Variants in SPOCK3 observed in about 807,000 individuals in gnomAD.
The protein encoded by SPOCK3 is testican-3.
SPOCK3 carries 30 observed loss-of-function variants against 56.6 expected under a neutral mutation model. The observed-to-expected ratio is 0.53, with a 90% CI of 0.40 to 0.72. The LOEUF (loss-of-function observed/expected upper bound fraction) is 0.72, where lower values mean the gene tolerates loss of function less well. Among genes scored for constraint, SPOCK3 ranks in the 30% least tolerant of loss-of-function variants. SPOCK3 has a pLI of 0.00. For synonymous variants in SPOCK3, 196 were observed against 183.3 expected, an observed-to-expected ratio of 1.07 and a Z score of -0.56; for missense variants, 527 against 530.0, an observed-to-expected ratio of 0.99 and a Z score of 0.06.
intron 4 of SPOCK3, among the ~76,000 whole-genome samples, chr4:166,949,094 C>G (rs1332007804): frequency 1.3e-5 from 2 of 152,126 alleles, no homozygotes; most frequent in African/African-American, 2.4e-5. Context: ...TCATTCATTT[C>G]ATCTTCCATC....
At chr4:166,764,523 T>C (rs369876609) in intron 7 of SPOCK3, among the ~76,000 whole-genome samples, 165 of 152,258 alleles carry the variant, frequency 1.1e-3, no homozygotes, top group South Asian at 2.9e-3. Context: ...CATGAACTCA[T>C]CCTTTTTTAT....
intron 7 of SPOCK3, among the ~76,000 whole-genome samples, chr4:166,774,625 C>A (rs1187774388): frequency 6.6e-6 from 1 of 152,174 alleles, no homozygotes; most frequent in African/African-American, 2.4e-5. Flanking sequence ...AAAGCAGCAG[C>A]AACTTTCCTT....
intron 4 of SPOCK3, among the ~76,000 whole-genome samples, chr4:166,971,277 C>T (rs573949040): frequency 6.6e-6 from 1 of 152,208 alleles, no homozygotes; most frequent in African/African-American, 2.4e-5. Context: ...TTTTTCCCCC[C>T]ATGTTCCAAT....
chr4:167,148,618 C>G (rs568644943), intron 2 of SPOCK3, among the ~76,000 whole-genome samples: 1 of 152,200 alleles, frequency 6.6e-6, no homozygotes, highest in South Asian at 2.1e-4. Context: ...TCTCTCTAAG[C>G]TTCCTATAAA....
chr4:167,136,430 A>G (rs1471852237), intron 2 of SPOCK3, among the ~76,000 whole-genome samples: 6 of 152,182 alleles, frequency 3.9e-5, no homozygotes, highest in African/African-American at 2.4e-5. Flanking sequence ...CAACATAAAT[A>G]TGACAATAAA....
intron 2 of SPOCK3, among the ~76,000 whole-genome samples, chr4:167,153,265 C>T (rs1191161274): frequency 6.6e-6 from 1 of 152,020 alleles, no homozygotes; most frequent in Non-Finnish European, 1.5e-5. Flanking sequence ...ATGCACTTAG[C>T]GATCACTCTC....
intron 3 of SPOCK3, among the ~76,000 whole-genome samples, chr4:167,030,192 GAA>G (rs34474565): frequency 0.021 from 3,247 of 152,002 alleles, 55 homozygotes; most frequent in Non-Finnish European, 0.037. Context: ...CTGAGAGAGA[GAA>G]AAGAGGCAGA....
At chr4:166,923,991 T>C (rs1314813225) in intron 4 of SPOCK3, among the ~76,000 whole-genome samples, 1 of 152,184 alleles carries the variant, frequency 6.6e-6, no homozygotes, top group Non-Finnish European at 1.5e-5. Context: ...CATTTAGCAG[T>C]CGTGGTCACT....
chr4:166,884,338 C>A (rs902839207), intron 6 of SPOCK3, among the ~76,000 whole-genome samples: 1 of 148,068 alleles, frequency 6.8e-6, no homozygotes, highest in Non-Finnish European at 1.5e-5. Flanking sequence ...GATGAAAGAG[C>A]GAGACTCCAT....
rs149320907 is a variant in SPOCK3 at position 166,808,446 on chromosome 4, TTC to T, written c.590-16159_590-16158del. Among the ~76,000 whole-genome samples, 1,145 of 145,294 alleles carry T rather than the reference TTC, an allele frequency of 7.9e-3. 4 individuals are homozygous for T. Among genetic ancestry groups the T allele is most frequent in the East Asian group, 0.047 (235 of 4,982 alleles). On this transcript the variant is annotated intron_variant, in intron 6 of 10. Transcript: ENST00000357545. ...ACTGTGGGTTCACACAAAGAAGAAA[TTC>T]TCTCTCTCTCTCTCTCTCTCTCTGC...
At position 166,737,450 on chromosome 4, in the gene SPOCK3, GT is replaced by G; in HGVS notation, c.1132+16del. 1 of 1,604,034 alleles carries G rather than the reference GT, an allele frequency of 6.2e-7. No homozygotes were observed. Among genetic ancestry groups the G allele is most frequent in the East Asian group, 2.2e-5 (1 of 44,732 alleles). On this transcript the variant is annotated intron_variant, in intron 10 of 10. Transcript: ENST00000357545. The stretch of plus-strand genomic sequence containing the variant: ...CTGTGCTTAGAAAATTATGAAATAA[GT>G]AACCCTTCTCCTTACCACAATCTGC...
chr4:167,001,246 C>T (rs1027993228), intron 3 of SPOCK3, among the ~76,000 whole-genome samples: 4 of 152,222 alleles, frequency 2.6e-5, no homozygotes, highest in African/African-American at 9.6e-5. Flanking sequence ...ACCAAAAATA[C>T]CCAAACATAT....
chr4:166,909,175 T>C (rs532223656), intron 5 of SPOCK3, among the ~76,000 whole-genome samples: 2 of 152,248 alleles, frequency 1.3e-5, no homozygotes, highest in African/African-American at 4.8e-5. Flanking sequence ...ATTTTTCTTT[T>C]TGTGTATGCA....
At chr4:167,028,240 C>G (rs1446415323) in intron 3 of SPOCK3, among the ~76,000 whole-genome samples, 1 of 149,208 alleles carries the variant, frequency 6.7e-6, no homozygotes, top group African/African-American at 2.5e-5. Flanking sequence ...TTTTTTAATT[C>G]CAAGCTTGGT....
intron 6 of SPOCK3, among the ~76,000 whole-genome samples, chr4:166,874,526 C>T (rs1732878268): frequency 6.6e-6 from 1 of 152,146 alleles, no homozygotes; most frequent in South Asian, 2.1e-4. Context: ...GTGGATTTTA[C>T]TTTACCTACA....
intron 2 of SPOCK3, among the ~76,000 whole-genome samples, chr4:167,090,201 G>C (rs944440289): frequency 6.6e-6 from 1 of 152,118 alleles, no homozygotes; most frequent in Middle Eastern, 3.2e-3. Context: ...CTGCCAAATT[G>C]CTTCCCAAAT....
intron 2 of SPOCK3, among the ~76,000 whole-genome samples, chr4:167,213,304 G>T (rs1483430940): frequency 1.3e-5 from 2 of 152,058 alleles, no homozygotes; most frequent in East Asian, 3.8e-4. Flanking sequence ...TCTGTGTTAC[G>T]TGGAGCCAGA....
intron 5 of SPOCK3, among the ~76,000 whole-genome samples, chr4:166,900,965 TC>T (rs1490636999): frequency 6.6e-6 from 1 of 152,152 alleles, no homozygotes; most frequent in Non-Finnish European, 1.5e-5. Flanking sequence ...ACATCTTTCC[TC>T]CCCAAGGAAA....
Position 166,912,499 on chromosome 4 carries a change from A to C in SPOCK3, c.474+121T>G, listed in dbSNP as rs75575840. The C allele has an allele frequency of 7.9e-3, 7,848 of 997,358 alleles. 233 individuals are homozygous for C. The highest frequency in any genetic ancestry group is 0.07 in the African/African-American group (4,202 of 60,256). The allele number at this position is 997,358 out of a possible 1,614,324, so 61.8% of individuals were successfully genotyped here. A position where few individuals can be genotyped will look rare whatever the true frequency, so the allele number is the denominator to read the frequency against. ...CATATTCCAAACCAGTGAGATTATT[A>C]ATTTATTTTATAAGTTAAATGAATA... is the stretch of plus-strand genomic sequence containing the variant. On this transcript the variant is annotated intron_variant, in intron 5 of 10. Coordinates refer to ENST00000357545, the MANE Select transcript of SPOCK3 (RefSeq NM_001040159.2).
Sources: gnomAD v4.1 joint callset for allele counts (sites outside exome capture counted in the v4.1 genomes callset) on GRCh38, gnomAD v4.1.1 for gene constraint, MANE v1.5 for transcripts, NCBI Gene and HGNC (gene_info 2026-07-23, HGNC 2026-07-21) for gene names.